Variants in TIAM2 observed in about 807,000 individuals in gnomAD.
The protein encoded by TIAM2 is TIAM Rac1 associated GEF 2.
A neutral mutation model predicts 152.9 loss-of-function variants in TIAM2; 80 were observed. The ratio of observed to expected loss-of-function variants is 0.52; its 90% CI spans 0.44 to 0.63. TIAM2 has a LOEUF of 0.63. Ranked by LOEUF, TIAM2 falls within the 30% of genes least tolerant of loss-of-function variation. The pLI, the probability that TIAM2 is intolerant of heterozygous loss-of-function variation, is 0.00. For missense variants in TIAM2, 1,965 were observed against 2,120.1 expected, an observed-to-expected ratio of 0.93 and a Z score of 1.44; for synonymous variants, 804 against 838.0, an observed-to-expected ratio of 0.96 and a Z score of 0.70.
intron 2 of TIAM2, among the ~76,000 whole-genome samples, chr6:155,113,320 C>G (rs1361390541): frequency 1.3e-5 from 2 of 152,096 alleles, no homozygotes; most frequent in African/African-American, 2.4e-5. Flanking sequence ...TTCAGAGAGG[C>G]TTCCTCGCCT....
At chr6:155,157,574 T>C (rs990853519) in intron 7 of TIAM2, among the ~76,000 whole-genome samples, 2 of 152,082 alleles carry the variant, frequency 1.3e-5, no homozygotes, top group Admixed American at 6.6e-5. Context: ...CTCAAAGTGC[T>C]GGGATTATAG....
intron 1 of TIAM2, among the ~76,000 whole-genome samples, chr6:155,069,511 A>C (rs1436338038): frequency 6.6e-6 from 1 of 152,218 alleles, no homozygotes; most frequent in African/African-American, 2.4e-5. Context: ...AGATTCTATA[A>C]AGCAGCATAC....
Position 155,251,038 on chromosome 6 carries a change from G to C in TIAM2, c.4060+17G>C. The stretch of plus-strand genomic sequence containing the variant: ...CAGTATTTGGTTAGTATTCCATTCA[G>C]AAGAATGCAGACTGAACAGAGGCTG... On this transcript the variant is annotated intron_variant, in intron 22 of 26. Coordinates refer to ENST00000682666, the MANE Select transcript of TIAM2 (RefSeq NM_012454.4). 6.2e-7 allele frequency: 1 copy of C among 1,604,834 alleles called. No individual in the cohort carries two copies. Among genetic ancestry groups the C allele is most frequent in the South Asian group, 1.1e-5 (1 of 90,894 alleles).
At chr6:155,177,787 A>G (rs1232272819) in intron 10 of TIAM2, among the ~76,000 whole-genome samples, 1 of 152,180 alleles carries the variant, frequency 6.6e-6, no homozygotes, top group Non-Finnish European at 1.5e-5. Flanking sequence ...TTTTGCTCCC[A>G]TATGTAACGT....
intron 9 of TIAM2, 57 bp downstream of exon 9, chr6:155,165,466 T>A: frequency 3.2e-6 from 5 of 1,563,994 alleles, no homozygotes; most frequent in Non-Finnish European, 4.3e-6. Context: ...AACCCCTAAT[T>A]TTCGGCCTGC....
intron 14 of TIAM2, among the ~76,000 whole-genome samples, chr6:155,197,065 G>C (rs1013713968): frequency 6.6e-6 from 1 of 152,368 alleles, no homozygotes; most frequent in Non-Finnish European, 1.5e-5. Flanking sequence ...GCCCTGGGGA[G>C]TGAGCAGGTG....
At chr6:155,049,479 A>G (rs1777274585) in intron 1 of TIAM2, among the ~76,000 whole-genome samples, 1 of 152,124 alleles carries the variant, frequency 6.6e-6, no homozygotes. Flanking sequence ...AAGCTTGCTC[A>G]TTAGCAATGG....
At chr6:155,253,143 T>A in intron 24 of TIAM2, 90 bp downstream of exon 24, 2 of 1,080,142 alleles carry the variant, frequency 1.9e-6, no homozygotes, top group Non-Finnish European at 2.7e-6. Context: ...TGGGGATAAT[T>A]TTTGGTGCCT....
chr6:155,222,619 A>AAC (rs1426497907), intron 15 of TIAM2, among the ~76,000 whole-genome samples: 82 of 50,046 alleles, frequency 1.6e-3, no homozygotes, highest in African/African-American at 0.013. Context: ...AAAACAAACA[A>AAC]AAAAAAAAAA....
intron 2 of TIAM2, among the ~76,000 whole-genome samples, chr6:155,125,285 G>T (rs190661884): frequency 2.2e-3 from 327 of 151,672 alleles, no homozygotes; most frequent in African/African-American, 7.5e-3. Context: ...AAAATAAAAG[G>T]TGCCATTGAA....
chr6:155,093,798 C>T (rs563432349), intron 2 of TIAM2, among the ~76,000 whole-genome samples: 2 of 152,252 alleles, frequency 1.3e-5, no homozygotes, highest in African/African-American at 4.8e-5. Flanking sequence ...GTCAGTGGCC[C>T]CCTTTCTAAA....
intron 2 of TIAM2, among the ~76,000 whole-genome samples, chr6:155,125,480 G>T (rs1318827225): frequency 6.6e-6 from 1 of 152,198 alleles, no homozygotes; most frequent in Non-Finnish European, 1.5e-5. Flanking sequence ...GAACTCTGCT[G>T]CACTGTTGGT....
intron 1 of TIAM2, among the ~76,000 whole-genome samples, chr6:155,010,921 G>A (rs1348339535): frequency 1.3e-5 from 2 of 151,972 alleles, no homozygotes; most frequent in Non-Finnish European, 2.9e-5. Flanking sequence ...TCATGCGCCT[G>A]TAATCCTAGC....
At chr6:155,031,078 G>A (rs1353300339) in intron 1 of TIAM2, among the ~76,000 whole-genome samples, 1 of 152,158 alleles carries the variant, frequency 6.6e-6, no homozygotes, top group East Asian at 1.9e-4. Flanking sequence ...CTATGGAATT[G>A]GTATTCACAA....
Position 155,182,221 on chromosome 6 carries a change from C to G in TIAM2, c.2708-5C>G. The G allele has an allele frequency of 6.2e-7, 1 of 1,613,600 alleles. No homozygotes were observed. Among genetic ancestry groups the G allele is most frequent in the Non-Finnish European group, 8.5e-7 (1 of 1,179,564 alleles). On this transcript the variant is annotated splice_polypyrimidine_tract_variant and splice_region_variant and intron_variant, in intron 12 of 26. Transcript: ENST00000682666. ...CTTGCTTTTTCCTTTTGTTTTCATT[C>G]CTAGGGTTTGCAGTTACAGCGCAGG...
intron 6 of TIAM2, among the ~76,000 whole-genome samples, chr6:155,145,106 C>T (rs2115060659): frequency 6.6e-6 from 1 of 152,224 alleles, no homozygotes; most frequent in East Asian, 1.9e-4. Context: ...TCAAGATTCC[C>T]AGATTTGGGG....
Position 155,194,144 on chromosome 6 carries a change from A to G in TIAM2, c.3064+10644A>G, listed in dbSNP as rs541801417. Among the ~76,000 whole-genome samples, 32 of 152,280 alleles carry G rather than the reference A, an allele frequency of 2.1e-4. No homozygotes were observed. The South Asian group carries it at 5.4e-3, about 26-fold the overall frequency. ...CTTTGTTAACCCCTAGGGAATGAGA[A>G]GGTAGATGAGGGGGCATAGAGCGTT... is the stretch of plus-strand genomic sequence containing the variant. On this transcript the variant is annotated intron_variant, in intron 14 of 26. Transcript: ENST00000682666.
intron 2 of TIAM2, among the ~76,000 whole-genome samples, chr6:155,115,801 G>A (rs1473770614): frequency 3.3e-5 from 5 of 152,130 alleles, no homozygotes; most frequent in African/African-American, 4.8e-5. Context: ...CTTGTGCCTG[G>A]GGTATCCCGG....
intron 15 of TIAM2, among the ~76,000 whole-genome samples, chr6:155,236,449 G>A (rs1782763368): frequency 6.6e-6 from 1 of 152,076 alleles, no homozygotes; most frequent in South Asian, 2.1e-4. Context: ...GATCACCTGA[G>A]GTCAGGAGTT....
Sources: gnomAD v4.1 joint callset for allele counts (sites outside exome capture counted in the v4.1 genomes callset) on GRCh38, gnomAD v4.1.1 for gene constraint, MANE v1.5 for transcripts, NCBI Gene and HGNC (gene_info 2026-07-23, HGNC 2026-07-21) for gene names.